CDH2: variants seen among roughly 807,000 people sequenced by gnomAD.
CDH2 encodes cadherin-2.
Under a neutral mutation model 92.0 loss-of-function variants are expected in CDH2, and 17 were observed. The observed-to-expected ratio is 0.18, with a 90% CI of 0.13 to 0.28. CDH2 has a LOEUF of 0.28. Ranked by LOEUF, CDH2 falls within the 10% of genes least tolerant of loss-of-function variation. CDH2 has a pLI of 1.00. For synonymous variants in CDH2, 419 were observed against 415.9 expected (o/e 1.01, Z -0.09); for missense variants, 862 against 1,133.1 (o/e 0.76, Z 3.44).
intron 2 of CDH2, among the ~76,000 whole-genome samples, chr18:28,124,191 C>T (rs559105563): frequency 5.9e-4 from 89 of 152,042 alleles, no homozygotes; most frequent in African/African-American, 2.0e-3. Flanking sequence ...CTAAATGATG[C>T]ATACAGGGAG....
intron 2 of CDH2, among the ~76,000 whole-genome samples, chr18:28,024,733 T>G (rs2013504156): frequency 6.6e-6 from 1 of 151,752 alleles, no homozygotes; most frequent in Non-Finnish European, 1.5e-5. Context: ...AGGAGTTTTT[T>G]TCTAAAAATG....
chr18:27,961,571 T>A (rs985375431), intron 15 of CDH2, among the ~76,000 whole-genome samples: 2 of 152,010 alleles, frequency 1.3e-5, no homozygotes, highest in African/African-American at 4.8e-5. Context: ...AATAGTTCAG[T>A]GGGGCTGCAG....
At chr18:28,101,724 C>CT (rs1310392973) in intron 2 of CDH2, among the ~76,000 whole-genome samples, 3 of 152,058 alleles carry the variant, frequency 2.0e-5, no homozygotes, top group Non-Finnish European at 4.4e-5. Flanking sequence ...ATCCAGGAAA[C>CT]TAAGTTGCAT....
intron 6 of CDH2, among the ~76,000 whole-genome samples, chr18:27,937,701 G>A (rs1909049832): frequency 6.6e-6 from 1 of 152,138 alleles, no homozygotes; most frequent in South Asian, 2.1e-4. Flanking sequence ...AGTGAGCCAA[G>A]GATGTAGGAA....
At chr18:28,039,303 G>C (rs577860536) in intron 2 of CDH2, among the ~76,000 whole-genome samples, 1 of 152,086 alleles carries the variant, frequency 6.6e-6, no homozygotes, top group Non-Finnish European at 1.5e-5. Context: ...TCCTGTGTTT[G>C]AGGTCAGGGC....
chr18:27,963,681 TTC>T, intron 14 of CDH2, 160 bp from the exon 15 acceptor site: 1 of 607,952 alleles, frequency 1.6e-6, no homozygotes, highest in Non-Finnish European at 2.9e-6. Flanking sequence ...GATTAAATAT[TTC>T]TTTCACACAG....
chr18:27,988,081 T>C (rs1005440612), intron 11 of CDH2, among the ~76,000 whole-genome samples: 1 of 152,224 alleles, frequency 6.6e-6, no homozygotes, highest in Non-Finnish European at 1.5e-5. Context: ...TGAAGCTCAC[T>C]ACTCACTTAT....
downstream of CDH2, among the ~76,000 whole-genome samples, chr18:27,946,738 G>C (rs1425562698): frequency 1.3e-5 from 2 of 151,888 alleles, no homozygotes; most frequent in Non-Finnish European, 2.9e-5. Context: ...TAAAATTCCT[G>C]AGTAATATAG....
At chr18:27,979,591 A>T (rs145469264) in intron 14 of CDH2, among the ~76,000 whole-genome samples, 142 of 152,346 alleles carry the variant, frequency 9.3e-4, no homozygotes, top group Admixed American at 1.8e-3. Context: ...AGTAGGATGG[A>T]TACATAAAAT....
intron 2 of CDH2, among the ~76,000 whole-genome samples, chr18:28,125,853 T>C (rs1255026752): frequency 6.6e-6 from 1 of 152,144 alleles, no homozygotes; most frequent in Non-Finnish European, 1.5e-5. Context: ...TGCGTTAAGT[T>C]TACATTTAAG....
chr18:28,001,106 A>G (rs1330004384), intron 7 of CDH2, among the ~76,000 whole-genome samples: 2 of 152,164 alleles, frequency 1.3e-5, no homozygotes, highest in Non-Finnish European at 2.9e-5. Context: ...CTCATACTGT[A>G]TCTAACCCAT....
intron 2 of CDH2, chr18:28,036,657 C>T (rs759141216): frequency 5.0e-5 from 38 of 759,542 alleles, no homozygotes; most frequent in South Asian, 8.1e-5. Flanking sequence ...ACGGAAATGC[C>T]GATGCAGCTT....
At chr18:27,946,460 T>C (rs1909270099), downstream of CDH2, among the ~76,000 whole-genome samples, 1 of 152,068 alleles carries the variant, frequency 6.6e-6, no homozygotes, top group Admixed American at 6.5e-5. Context: ...AAGAGACTTT[T>C]CAGGAAAATG....
intron 2 of CDH2, among the ~76,000 whole-genome samples, chr18:28,125,457 G>A (rs959094821): frequency 1.3e-5 from 2 of 152,012 alleles, no homozygotes; most frequent in African/African-American, 4.8e-5. Flanking sequence ...TTTAAAAAAG[G>A]AAGCCAGGAT....
At chr18:28,053,522 T>C (rs538066688) in intron 2 of CDH2, among the ~76,000 whole-genome samples, 2 of 152,314 alleles carry the variant, frequency 1.3e-5, no homozygotes, top group South Asian at 4.1e-4. Flanking sequence ...TACACTCATG[T>C]AACAACTCGC....
chr18:28,074,572 T>C (rs2014682601), intron 2 of CDH2, among the ~76,000 whole-genome samples: 2 of 152,102 alleles, frequency 1.3e-5, no homozygotes, highest in Admixed American at 1.3e-4. Flanking sequence ...TGGGTGTGTT[T>C]AAAATTATTT....
chr18:28,003,786 C>A (rs1375882501), intron 6 of CDH2, among the ~76,000 whole-genome samples: 2 of 152,156 alleles, frequency 1.3e-5, no homozygotes, highest in African/African-American at 4.8e-5. Flanking sequence ...TTAGAGACTT[C>A]AATTTATTAG....
At chr18:27,947,747 GTGTATATGATGTAAGTA>G (rs1163841144), downstream of CDH2, among the ~76,000 whole-genome samples, 38 of 136,046 alleles carry the variant, frequency 2.8e-4, no homozygotes, top group Admixed American at 7.7e-4. Context: ...TGTGATATAA[GTGTATATGATGTAAGTA>G]TATGTGATAT....
At chr18:28,109,312 G>A (rs2015373103) in intron 2 of CDH2, among the ~76,000 whole-genome samples, 1 of 152,144 alleles carries the variant, frequency 6.6e-6, no homozygotes, top group African/African-American at 2.4e-5. Flanking sequence ...GTCAGAAAAT[G>A]TTTTACTAAT....
Sources: allele counts gnomAD v4.1 joint callset (sites outside exome capture counted in the v4.1 genomes callset), GRCh38; gene constraint gnomAD v4.1.1; transcripts MANE v1.5; gene names NCBI Gene and HGNC (gene_info 2026-07-23, HGNC 2026-07-21).